DGKB: variants seen among roughly 807,000 people sequenced by gnomAD.
DGKB encodes the protein diacylglycerol kinase beta, also known as 90 kDa diacylglycerol kinase.
DGKB carries 67 observed loss-of-function variants against 114.3 expected under a neutral mutation model. The ratio of observed to expected loss-of-function variants is 0.59; its 90% confidence interval spans 0.48 to 0.72. The LOEUF (loss-of-function observed/expected upper bound fraction) is 0.72, where lower values mean the gene tolerates loss of function less well. Among genes scored for constraint, DGKB ranks in the 30% least tolerant of loss-of-function variants. The pLI is 0.00. For synonymous variants in DGKB, 398 were observed against 323.1 expected, an observed-to-expected ratio of 1.23 and a Z score of -2.49; for missense variants, 907 against 975.2, an observed-to-expected ratio of 0.93 and a Z score of 0.93.
intron 23 of DGKB, among the ~76,000 whole-genome samples, chr7:14,234,660 T>G (rs1792486224): frequency 6.6e-6 from 1 of 152,076 alleles, no homozygotes; most frequent in Non-Finnish European, 1.5e-5. Flanking sequence ...CCCTATCCAG[T>G]TTTTACTAAC....
rs576437694 is a variant in DGKB at position 14,926,460 on chromosome 7, A to AT, written c.-188+48235dup. The stretch of plus-strand genomic sequence containing the variant: ...TTTTTCCACCTTTTGGAATCTTCCT[A>AT]TTTTTTTCTCATTGCTTTGCATTAT... On this transcript the variant is annotated intron_variant, in intron 1 of 4. Transcript: ENST00000437998. 3.4e-3 allele frequency among the ~76,000 whole-genome samples: 456 copies of AT among 135,986 alleles called. 3 individuals carry two copies. Among genetic ancestry groups the AT allele is most frequent in the African/African-American group, 0.012 (443 of 37,026 alleles). The allele number at this position is 135,986 out of a possible 152,430, so 89.2% of individuals were successfully genotyped here. A position where few individuals can be genotyped will look rare whatever the true frequency, so the allele number is the denominator to read the frequency against.
At chr7:14,772,849 T>G (rs1258293051) in intron 2 of DGKB, among the ~76,000 whole-genome samples, 1 of 152,136 alleles carries the variant, frequency 6.6e-6, no homozygotes, top group East Asian at 1.9e-4. Flanking sequence ...GGCATTTACT[T>G]TCTGCCTTTC....
rs528826109 is a variant in DGKB at position 14,710,465 on chromosome 7, C to CGAAT, written c.466+8076_466+8077insATTC. 5.4e-3 allele frequency among the ~76,000 whole-genome samples: 819 copies of CGAAT among 152,148 alleles called. 6 individuals are homozygous for CGAAT. The highest frequency in any genetic ancestry group is 0.018 in the African/African-American group (762 of 41,534). ...CAATGAATTTCAATTTCTTCTTTCC[C>CGAAT]ATTCTCATAAACTTCATGGATTTTT... On this transcript the variant is annotated intron_variant, in intron 6 of 25. Coordinates refer to ENST00000402815, the MANE Select transcript of DGKB (RefSeq NM_001350709.2).
intron 21 of DGKB, among the ~76,000 whole-genome samples, chr7:14,358,081 C>A (rs1157005379): frequency 6.6e-6 from 1 of 152,100 alleles, no homozygotes; most frequent in Admixed American, 6.6e-5. Context: ...TGGGGTTGCT[C>A]TTCTCAAGGA....
At chr7:14,181,077 A>G (rs965620100) in intron 23 of DGKB, among the ~76,000 whole-genome samples, 1 of 152,194 alleles carries the variant, frequency 6.6e-6, no homozygotes, top group Admixed American at 6.5e-5. Context: ...ATAAAGTACT[A>G]TAACATCTGA....
intron 2 of DGKB, among the ~76,000 whole-genome samples, chr7:14,816,979 T>A (rs1309521520): frequency 1.3e-5 from 2 of 152,230 alleles, no homozygotes; most frequent in African/African-American, 2.4e-5. Context: ...TTTCTTTTCA[T>A]AATATGCATT....
At chr7:14,379,654 G>A (rs1819081137) in intron 21 of DGKB, among the ~76,000 whole-genome samples, 1 of 152,070 alleles carries the variant, frequency 6.6e-6, no homozygotes, top group Non-Finnish European at 1.5e-5. Context: ...CCGCCTCCCA[G>A]GTTCAAGCAA....
intron 23 of DGKB, among the ~76,000 whole-genome samples, chr7:14,227,319 G>A (rs1306251372): frequency 1.3e-5 from 2 of 152,036 alleles, no homozygotes; most frequent in Non-Finnish European, 2.9e-5. Flanking sequence ...ACTTTGGAAA[G>A]TAATCTTTTC....
chr7:14,739,075 G>A (rs889832180), intron 4 of DGKB, among the ~76,000 whole-genome samples: 8 of 152,140 alleles, frequency 5.3e-5, no homozygotes, highest in African/African-American at 9.7e-5. Flanking sequence ...AACCCATGTC[G>A]ATGCTCATTA....
At chr7:14,486,799 G>T (rs537699706) in intron 20 of DGKB, among the ~76,000 whole-genome samples, 1 of 152,242 alleles carries the variant, frequency 6.6e-6, no homozygotes, top group East Asian at 1.9e-4. Context: ...AAAAGCACCA[G>T]TACCAAATCT....
intron 1 of DGKB, among the ~76,000 whole-genome samples, chr7:14,882,833 T>A (rs150972783): frequency 6.6e-6 from 1 of 152,176 alleles, no homozygotes; most frequent in East Asian, 1.9e-4. Flanking sequence ...CTTTATCTTA[T>A]CTTATCTTAT....
chr7:14,701,447 T>A (rs1825157521), intron 7 of DGKB, among the ~76,000 whole-genome samples: 2 of 152,008 alleles, frequency 1.3e-5, no homozygotes, highest in African/African-American at 4.8e-5. Flanking sequence ...GCAGGAAAAA[T>A]AAAATTAAAA....
At chr7:14,186,208 A>G (rs1270904259) in intron 23 of DGKB, among the ~76,000 whole-genome samples, 1 of 152,226 alleles carries the variant, frequency 6.6e-6, no homozygotes, top group Non-Finnish European at 1.5e-5. Context: ...GGCTAAGGAC[A>G]TGAATAGACA....
At chr7:14,527,105 A>G (rs1396246029) in intron 20 of DGKB, among the ~76,000 whole-genome samples, 3 of 152,102 alleles carry the variant, frequency 2.0e-5, no homozygotes, top group African/African-American at 7.2e-5. Context: ...GCTTTCTTTC[A>G]TCTCTGCAAC....
At chr7:14,933,867 A>C (rs1785153291) in intron 1 of DGKB, among the ~76,000 whole-genome samples, 1 of 152,100 alleles carries the variant, frequency 6.6e-6, no homozygotes, top group African/African-American at 2.4e-5. Flanking sequence ...ATATCTGAAA[A>C]TTACAAAAAA....
Position 14,717,082 on chromosome 7 carries a change from T to C in DGKB, c.466+1460A>G, listed in dbSNP as rs192989529. Among the ~76,000 whole-genome samples the C allele has an allele frequency of 6.2e-4, 94 of 152,240 alleles. 1 individual carries two copies. Among genetic ancestry groups the C allele is most frequent in the Admixed American group, 1.9e-3 (29 of 15,266 alleles). On this transcript the variant is annotated intron_variant, in intron 6 of 25. Transcript: ENST00000402815. Reference sequence around the variant, plus strand: ...AGTGGATGAGATTCATCATGTCTTTTTGAATAGTGTGGTGAGTCAACATTC... The same window carrying C: ...AGTGGATGAGATTCATCATGTCTTTCTGAATAGTGTGGTGAGTCAACATTC...
In DGKB at chr7:14,605,309, T is replaced by G. The variant is rs370388482; in HGVS notation, c.1433+2125A>C. Among the ~76,000 whole-genome samples the G allele has an allele frequency of 9.8e-4, 148 of 150,616 alleles. 1 individual carries two copies. Among genetic ancestry groups the G allele is most frequent in the Admixed American group, 2.1e-3 (31 of 15,032 alleles). On this transcript the variant is annotated intron_variant, in intron 17 of 25. Coordinates refer to ENST00000402815, the MANE Select transcript of DGKB (RefSeq NM_001350709.2). Reference sequence around the variant, plus strand: ...TTGCAAGATAATATAAAATCTATATTCTGTTACGTAAAAAACTATCTACCT... The same window carrying G: ...TTGCAAGATAATATAAAATCTATATGCTGTTACGTAAAAAACTATCTACCT...
At chr7:14,265,719 C>G (rs1416926289) in intron 23 of DGKB, among the ~76,000 whole-genome samples, 1 of 152,050 alleles carries the variant, frequency 6.6e-6, no homozygotes, top group African/African-American at 2.4e-5. Context: ...GTCTGTTTTT[C>G]AATATACCCT....
chr7:14,524,927 T>A (rs1014269783), intron 20 of DGKB, among the ~76,000 whole-genome samples: 1 of 151,962 alleles, frequency 6.6e-6, no homozygotes, highest in Non-Finnish European at 1.5e-5. Context: ...ACTAAAATAT[T>A]TGTAGGAAAA....
Sources: gnomAD v4.1 joint callset for allele counts (sites outside exome capture counted in the v4.1 genomes callset) on GRCh38, gnomAD v4.1.1 for gene constraint, MANE v1.5 for transcripts, NCBI Gene and HGNC (gene_info 2026-07-23, HGNC 2026-07-21) for gene names.